SERGEF: variants seen among roughly 807,000 people sequenced by gnomAD.
The protein encoded by SERGEF is secretion-regulating guanine nucleotide exchange factor.
SERGEF carries 51 observed loss-of-function variants against 50.0 expected under a neutral mutation model. The observed-to-expected ratio is 1.02, with a 90% CI of 0.81 to 1.29. The LOEUF (loss-of-function observed/expected upper bound fraction) is 1.29, where lower values mean the gene tolerates loss of function less well. Ranked by LOEUF, SERGEF falls within the 50% of genes most tolerant of loss-of-function variation. SERGEF has a pLI of 0.00. For missense variants in SERGEF, 521 were observed against 557.0 expected, an observed-to-expected ratio of 0.94 and a Z score of 0.65; for synonymous variants, 205 against 212.4, an observed-to-expected ratio of 0.97 and a Z score of 0.30.
rs1272582921 is a variant in SERGEF at position 17,831,517 on chromosome 11, A to C, written c.1049-43104T>G. 2.6e-5 allele frequency among the ~76,000 whole-genome samples: 4 copies of C among 152,230 alleles called. No homozygotes were observed. In the East Asian group the frequency reaches 5.8e-4, roughly 22 times the overall value. On this transcript the variant is annotated intron_variant, in intron 10 of 10. Coordinates refer to ENST00000265965, the MANE Select transcript of SERGEF (RefSeq NM_012139.4). ...CAAGAGCCCATGAGTAAAATCATGA[A>C]GCCAGAATAGTAGCTGGCAAATGGA...
At chr11:17,859,347 G>A (rs1306316026) in intron 10 of SERGEF, among the ~76,000 whole-genome samples, 1 of 151,970 alleles carries the variant, frequency 6.6e-6, no homozygotes, top group African/African-American at 2.4e-5. Context: ...CTGAATAAAA[G>A]TTCCATTAGA....
intron 9 of SERGEF, among the ~76,000 whole-genome samples, chr11:17,885,119 T>C (rs1229088593): frequency 2.0e-5 from 3 of 152,212 alleles, no homozygotes; most frequent in African/African-American, 7.2e-5. Context: ...AACTCTCAAG[T>C]GACAGTTCTA....
At chr11:17,960,090 T>C (rs991394829) in intron 8 of SERGEF, among the ~76,000 whole-genome samples, 2 of 152,172 alleles carry the variant, frequency 1.3e-5, no homozygotes, top group South Asian at 2.1e-4. Context: ...CACAATCTCT[T>C]AGGGCCTAGC....
Position 17,788,093 on chromosome 11 carries a change from C to T in SERGEF, c.1369G>A (p.Gly457Arg). The T allele has an allele frequency of 3.3e-6, 5 of 1,519,436 alleles. No homozygotes were observed. Among genetic ancestry groups the T allele is most frequent in the Non-Finnish European group, 4.4e-6 (5 of 1,131,834 alleles). 94.1% of individuals were successfully genotyped at this position (1,519,436 alleles called of 1,614,324 possible). A position where few individuals can be genotyped will look rare whatever the true frequency, so the allele number is the denominator to read the frequency against. The change falls in exon 11 of 11, where the codon GGA (glycine) becomes AGA (arginine). Residue 457 changes from glycine to arginine, a missense_variant. Transcript: ENST00000265965. ...TTATTAAAGATTCTCTATCACAGTC[C>T]CCCATTTCTGGACCAGTCAGATTGG... ...QSQSDWSRNG[G>R]L
intron 10 of SERGEF, among the ~76,000 whole-genome samples, chr11:17,829,594 G>C (rs896621926): frequency 1.3e-5 from 2 of 151,950 alleles, no homozygotes; most frequent in Non-Finnish European, 2.9e-5. Context: ...ACAGGAGCTG[G>C]GGTAAACCAG....
chr11:17,996,974 C>T (rs978654018), intron 5 of SERGEF, among the ~76,000 whole-genome samples: 11 of 152,130 alleles, frequency 7.2e-5, no homozygotes, highest in Admixed American at 7.2e-4. Flanking sequence ...GGGAGGCTGA[C>T]ATGGGAGGAT....
At chr11:17,982,718 A>G (rs562317236) in intron 8 of SERGEF, among the ~76,000 whole-genome samples, 1 of 152,344 alleles carries the variant, frequency 6.6e-6, no homozygotes, top group South Asian at 2.1e-4. Context: ...CTTGAATTTC[A>G]CTAATGCTTA....
intron 9 of SERGEF, among the ~76,000 whole-genome samples, chr11:17,947,295 C>G (rs1565212403): frequency 1.3e-5 from 2 of 152,176 alleles, no homozygotes; most frequent in Admixed American, 1.3e-4. Context: ...AAGCTCTAAT[C>G]TGAGCCTTGT....
chr11:17,887,606 A>G (rs1565195419), intron 9 of SERGEF, among the ~76,000 whole-genome samples: 1 of 152,200 alleles, frequency 6.6e-6, no homozygotes, highest in Non-Finnish European at 1.5e-5. Context: ...GAACTCTTAC[A>G]CTGCTGACGG....
At chr11:17,989,727 G>A (rs1439827537) in intron 7 of SERGEF, among the ~76,000 whole-genome samples, 1 of 152,168 alleles carries the variant, frequency 6.6e-6, no homozygotes, top group African/African-American at 2.4e-5. Flanking sequence ...CCTACATGTG[G>A]CTATTAAACA....
Position 17,995,850 on chromosome 11 carries a change from G to A in SERGEF, c.568C>T (p.Pro190Ser). The change falls in exon 6 of 11, where the codon CCT becomes TCT. Residue 190 changes from proline (P) to serine (S), a missense_variant. Pro to Ser is a moderately conservative substitution (Grantham distance 74). Transcript: ENST00000265965. Reference protein sequence around the residue: ...GLASCGRRLCPGQTLPLFFTA... With the variant: ...GLASCGRRLCSGQTLPLFFTA... Reference sequence around the variant, plus strand: ...AAAAACAATGGAAGAGTCTGCCCAGGGCACAACCGTCGTCCACATGATGCC... The same window carrying A: ...AAAAACAATGGAAGAGTCTGCCCAGAGCACAACCGTCGTCCACATGATGCC... The A allele has an allele frequency of 6.2e-7, 1 of 1,614,020 alleles. No homozygotes were observed. The highest frequency in any genetic ancestry group is 8.5e-7 in the Non-Finnish European group (1 of 1,179,984).
At chr11:17,921,129 AGT>A (rs1295095487) in intron 9 of SERGEF, among the ~76,000 whole-genome samples, 1 of 152,212 alleles carries the variant, frequency 6.6e-6, no homozygotes, top group Admixed American at 6.5e-5. Flanking sequence ...GGTTTGGCAA[AGT>A]GTAATTATTT....
chr11:17,889,558 G>A (rs1015874929), intron 9 of SERGEF, among the ~76,000 whole-genome samples: 1 of 152,160 alleles, frequency 6.6e-6, no homozygotes, highest in Non-Finnish European at 1.5e-5. Flanking sequence ...CAGAATAAAG[G>A]AGGCAAGGGG....
At chr11:17,983,642 G>C (rs955520215) in intron 8 of SERGEF, among the ~76,000 whole-genome samples, 1 of 151,964 alleles carries the variant, frequency 6.6e-6, no homozygotes, top group African/African-American at 2.4e-5. Flanking sequence ...AGCAAGCATG[G>C]CTCCTGCCTT....
intron 10 of SERGEF, among the ~76,000 whole-genome samples, chr11:17,799,336 C>G (rs1849624083): frequency 5.9e-5 from 9 of 152,220 alleles, no homozygotes; most frequent in Admixed American, 5.2e-4. Flanking sequence ...TGCAAAAACT[C>G]TTAAACAGTT....
At chr11:17,918,350 A>T (rs1852085599) in intron 9 of SERGEF, among the ~76,000 whole-genome samples, 1 of 152,194 alleles carries the variant, frequency 6.6e-6, no homozygotes, top group Non-Finnish European at 1.5e-5. Flanking sequence ...AAGAACATGC[A>T]TTCTGAATTA....
At chr11:17,817,183 A>G (rs2133840662) in intron 10 of SERGEF, among the ~76,000 whole-genome samples, 1 of 151,910 alleles carries the variant, frequency 6.6e-6, no homozygotes, top group South Asian at 2.1e-4. Context: ...TATTACTATT[A>G]GATACTATTA....
chr11:17,979,275 G>C (rs1355683241), intron 8 of SERGEF, among the ~76,000 whole-genome samples: 1 of 152,244 alleles, frequency 6.6e-6, no homozygotes, highest in Non-Finnish European at 1.5e-5. Context: ...CAAACCTCAA[G>C]AAATAGTAAG....
chr11:17,974,058 A>G (rs976217660), intron 8 of SERGEF, among the ~76,000 whole-genome samples: 1 of 152,162 alleles, frequency 6.6e-6, no homozygotes, highest in African/African-American at 2.4e-5. Context: ...AATGCTTGTC[A>G]CATTCAAATG....
Sources: gnomAD v4.1 joint callset for allele counts (sites outside exome capture counted in the v4.1 genomes callset) on GRCh38, gnomAD v4.1.1 for gene constraint, MANE v1.5 for transcripts, NCBI Gene and HGNC (gene_info 2026-07-23, HGNC 2026-07-21) for gene names.